ALDH1A3: variants seen among roughly 807,000 people sequenced by gnomAD.
The protein encoded by ALDH1A3 is retinaldehyde dehydrogenase 3.
In ALDH1A3, 28 loss-of-function variants were observed where a neutral mutation model predicts 57.5. The ratio of observed to expected loss-of-function variants is 0.49; its 90% confidence interval spans 0.36 to 0.67. The LOEUF is 0.67. Ranked by LOEUF, ALDH1A3 falls within the 30% of genes least tolerant of loss-of-function variation. The pLI is 0.00. For synonymous variants in ALDH1A3, 281 were observed against 264.8 expected (o/e 1.06, Z -0.59); for missense variants, 507 against 669.4 (o/e 0.76, Z 2.68).
intron 12 of ALDH1A3, chr15:100,913,953 C>A (rs2041906727): frequency 6.6e-6 from 1 of 152,220 alleles, no homozygotes. Flanking sequence ...GGATTTAAAT[C>A]TCTCCAAAGC....
At position 100,896,100 on chromosome 15, in the gene ALDH1A3, C is replaced by T. The variant is rs571098435; in HGVS notation, c.780+54C>T. 10 of 1,381,034 alleles carry T rather than the reference C, an allele frequency of 7.2e-6. No individual in the cohort carries two copies. The South Asian group carries it at 8.6e-5, about 12-fold the overall frequency. 85.5% of individuals were successfully genotyped at this position (1,381,034 alleles called of 1,614,324 possible). A position where few individuals can be genotyped will look rare whatever the true frequency, so the allele number is the denominator to read the frequency against. On this transcript the variant is annotated intron_variant, in intron 7 of 12. Coordinates refer to ENST00000329841, the MANE Select transcript of ALDH1A3 (RefSeq NM_000693.4). ...AGTGAAAGGGGCGTGTTATTTGACA[C>T]CCGTGAGCTTTTCCTTTGACAGGCT...
intron 3 of ALDH1A3, among the ~76,000 whole-genome samples, chr15:100,891,516 T>C (rs1596208839): frequency 6.6e-6 from 1 of 152,252 alleles, no homozygotes; most frequent in East Asian, 1.9e-4. Context: ...CTGGGTGGCC[T>C]TGGCCAAGTC....
At chr15:100,899,601 C>T (rs1050027047) in intron 8 of ALDH1A3, among the ~76,000 whole-genome samples, 11 of 152,098 alleles carry the variant, frequency 7.2e-5, no homozygotes, top group African/African-American at 2.4e-4. Context: ...TTCGCCTCAC[C>T]CCTAGCTCCG....
Position 100,895,680 on chromosome 15 carries a change from G to A in ALDH1A3, c.667-253G>A, listed in dbSNP as rs1350973917. The A allele has an allele frequency of 7.3e-6, 4 of 546,558 alleles. No individual in the cohort carries two copies. The East Asian group carries it at 1.2e-4, about 16-fold the overall frequency. The allele number at this position is 546,558 out of a possible 1,614,324, so 33.9% of individuals were successfully genotyped here. ...TTTGCACTGCATATCACTTTGGGATGGGGTCCCCCCCCAGAAGGAGAAGTG... is the reference window on the plus strand; with the variant it reads ...TTTGCACTGCATATCACTTTGGGATAGGGTCCCCCCCCAGAAGGAGAAGTG... On this transcript the variant is annotated intron_variant, in intron 6 of 12. Transcript: ENST00000329841.
chr15:100,916,456 G>A lies in ALDH1A3; in HGVS notation c.*1683G>A, dbSNP rs1357994114. On this transcript the variant is annotated 3_prime_UTR_variant, in exon 13 of 13. Coordinates refer to ENST00000329841, the MANE Select transcript of ALDH1A3 (RefSeq NM_000693.4). ...ACAGAGGTGGTATATTTAAACTTCT[G>A]TAATATACTGTATTTAGAAATGGAA... 1.3e-5 allele frequency: 2 copies of A among 152,460 alleles called. No individual in the cohort carries two copies. Among genetic ancestry groups the A allele is most frequent in the African/African-American group, 4.8e-5 (2 of 41,406 alleles). 9.4% of individuals were successfully genotyped at this position (152,460 alleles called of 1,614,324 possible).
At chr15:100,908,861 A>ACAGGTAAGGCTGACC (rs2041852901) in intron 12 of ALDH1A3, among the ~76,000 whole-genome samples, 2 of 152,290 alleles carry the variant, frequency 1.3e-5, no homozygotes, top group South Asian at 4.1e-4. Context: ...AGCAGTGAAG[A>ACAGGTAAGGCTGACC]CAGGTAAGGC....
chr15:100,891,176 C>T (rs1193027355), intron 3 of ALDH1A3, among the ~76,000 whole-genome samples: 1 of 152,232 alleles, frequency 6.6e-6, no homozygotes, highest in Non-Finnish European at 1.5e-5. Context: ...GTGGTTGCTG[C>T]TCTGTGGACA....
In ALDH1A3 at chr15:100,905,212, TG is replaced by T. The variant is rs559652887; in HGVS notation, c.1069-310del. Among the ~76,000 whole-genome samples, 443 of 152,370 alleles carry T rather than the reference TG, an allele frequency of 2.9e-3. 4 individuals are homozygous for T. The highest frequency in any genetic ancestry group is 9.8e-3 in the African/African-American group (409 of 41,582). ...TAAAGAGTTGGGAGAAGAAAGACTG[TG>T]ACCACTTCAGACCTGTGTCACTCAT... is the stretch of plus-strand genomic sequence containing the variant. On this transcript the variant is annotated intron_variant, in intron 9 of 12. Coordinates refer to ENST00000329841, the MANE Select transcript of ALDH1A3 (RefSeq NM_000693.4).
chr15:100,909,360 T>C (rs367790504), intron 12 of ALDH1A3, among the ~76,000 whole-genome samples: 8 of 141,290 alleles, frequency 5.7e-5, no homozygotes, highest in Admixed American at 1.4e-4. Flanking sequence ...ACCCTCCACG[T>C]GTGCATGTAA....
rs753250374 is a variant in ALDH1A3 at position 100,885,349 on chromosome 15, G to C, written c.182G>C (p.Cys61Ser). Residue 61 changes from cysteine to serine, a missense_variant, in exon 2 of 13, where the codon TGT becomes TCT. Transcript: ENST00000329841. The stretch of plus-strand genomic sequence containing the variant: ...AACCCTTCAACTCGGGAGCAAATAT[G>C]TGAAGTGGAAGAAGGAGATAAGGTA... ...TCNPSTREQI[C>S]EVEEGDKPDV... The C allele has an allele frequency of 6.2e-7, 1 of 1,612,596 alleles. No individual in the cohort carries two copies. Among genetic ancestry groups the C allele is most frequent in the Non-Finnish European group, 8.5e-7 (1 of 1,178,586 alleles).
intron 8 of ALDH1A3, among the ~76,000 whole-genome samples, chr15:100,898,602 C>A (rs2041735266): frequency 6.6e-6 from 1 of 152,186 alleles, no homozygotes; most frequent in African/African-American, 2.4e-5. Flanking sequence ...AGTCACATTT[C>A]CTATCATATG....
At chr15:100,882,331 C>A (rs1301118668) in intron 1 of ALDH1A3, among the ~76,000 whole-genome samples, 6 of 152,176 alleles carry the variant, frequency 3.9e-5, no homozygotes. Flanking sequence ...CCTCCAGGGT[C>A]CCCACACAGA....
Position 100,915,651 on chromosome 15 carries a change from C to G in ALDH1A3, c.*878C>G, listed in dbSNP as rs141341015. On this transcript the variant is annotated 3_prime_UTR_variant, in exon 13 of 13. Transcript: ENST00000329841. ...CTGTAATTCGCTTTAACAAATTACG[C>G]ATTTCTATCACGTTCACTAACAGCT... The G allele has an allele frequency of 6.4e-4, 97 of 152,338 alleles. No homozygotes were observed. The highest frequency in any genetic ancestry group is 2.3e-3 in the African/African-American group (95 of 41,580). The allele number at this position is 152,338 out of a possible 1,614,324, so 9.4% of individuals were successfully genotyped here.
intron 1 of ALDH1A3, among the ~76,000 whole-genome samples, chr15:100,884,679 A>C (rs112962051): frequency 1.3e-5 from 2 of 152,028 alleles, no homozygotes; most frequent in African/African-American, 4.8e-5. Context: ...TTGCTATGAA[A>C]ATACACATTT....
In ALDH1A3 at chr15:100,892,903, C is replaced by T. The variant is rs117325892; in HGVS notation, c.476-42C>T. 6,001 of 1,602,010 alleles carry T rather than the reference C, an allele frequency of 3.7e-3. 84 individuals carry two copies. The East Asian group carries it at 0.04, about 11-fold the overall frequency. ...TACTACTTGAAGTTCCTAACCTGGA[C>T]TAAGTGAGTGTGTCCTTCCCCACCA... On this transcript the variant is annotated intron_variant, in intron 4 of 12. Transcript: ENST00000329841.
chr15:100,884,205 G>A (rs748226100), intron 1 of ALDH1A3, among the ~76,000 whole-genome samples: 2 of 152,136 alleles, frequency 1.3e-5, no homozygotes, highest in African/African-American at 4.8e-5. Context: ...CCGTGCTGTC[G>A]GAATGTGTTT....
intron 9 of ALDH1A3, among the ~76,000 whole-genome samples, chr15:100,902,963 C>T (rs760045266): frequency 3.1e-4 from 47 of 152,242 alleles, no homozygotes; most frequent in Non-Finnish European, 5.3e-4. Flanking sequence ...AGGGGAAGAG[C>T]AGCTCAGCAG....
chr15:100,894,127 C>G lies in ALDH1A3; in HGVS notation c.666+45C>G. 6.2e-7 allele frequency: 1 copy of G among 1,604,804 alleles called. No homozygotes were observed. Among genetic ancestry groups the G allele is most frequent in the Non-Finnish European group, 8.5e-7 (1 of 1,175,110 alleles). Reference sequence around the variant, plus strand: ...AATATCACATGTTCTTGGTAACATTCCCACTCCTAGGAACCAGGCCACCGT... The same window carrying G: ...AATATCACATGTTCTTGGTAACATTGCCACTCCTAGGAACCAGGCCACCGT... On this transcript the variant is annotated intron_variant, in intron 6 of 12. Transcript: ENST00000329841. The surrounding 1 kb of genome is among the most constrained non-coding windows in gnomAD (Gnocchi z 4.5).
At chr15:100,908,594 C>A in intron 12 of ALDH1A3, 112 bp downstream of exon 12, 3 of 967,786 alleles carry the variant, frequency 3.1e-6, no homozygotes, top group Non-Finnish European at 4.8e-6. Flanking sequence ...CCCACACCGC[C>A]GCTCTGTCTG....
Sources: allele counts gnomAD v4.1 joint callset (sites outside exome capture counted in the v4.1 genomes callset), GRCh38; gene constraint gnomAD v4.1.1; non-coding constraint Gnocchi (gnomAD v3.1); transcripts MANE v1.5; gene names NCBI Gene and HGNC (gene_info 2026-07-23, HGNC 2026-07-21).